NAALADL2: variants seen among roughly 807,000 people sequenced by gnomAD.
The protein encoded by NAALADL2 is N-acetylated alpha-linked acidic dipeptidase like 2.
In NAALADL2, 76 loss-of-function variants were observed where a neutral mutation model predicts 87.2. The ratio of observed to expected loss-of-function variants is 0.87; its 90% CI spans 0.72 to 1.05. NAALADL2 has a LOEUF of 1.05. Among genes scored for constraint, NAALADL2 ranks in the 50% least tolerant of loss-of-function variants. The probability of loss-of-function intolerance (pLI) is 0.00; values close to 1 mark genes in which losing one functional copy is unlikely to be tolerated. For synonymous variants in NAALADL2, 354 were observed against 331.0 expected, an observed-to-expected ratio of 1.07 and a Z score of -0.75; for missense variants, 1,089 against 945.8, an observed-to-expected ratio of 1.15 and a Z score of -1.99.
At chr3:174,489,518 T>C (rs1241148091) in intron 1 of NAALADL2, among the ~76,000 whole-genome samples, 2 of 151,998 alleles carry the variant, frequency 1.3e-5, no homozygotes, top group African/African-American at 4.8e-5. Flanking sequence ...CATGTTTTGT[T>C]TTGCAAATTA....
chr3:175,279,115 G>A (rs1753959070), intron 4 of NAALADL2, among the ~76,000 whole-genome samples: 1 of 152,124 alleles, frequency 6.6e-6, no homozygotes, highest in Non-Finnish European at 1.5e-5. Flanking sequence ...TTTGTTCAAA[G>A]AAGTAGATGG....
At chr3:174,899,367 GTTA>G (rs1467573469) in intron 1 of NAALADL2, among the ~76,000 whole-genome samples, 1 of 152,138 alleles carries the variant, frequency 6.6e-6, no homozygotes, top group African/African-American at 2.4e-5. Flanking sequence ...AATCCCCAGT[GTTA>G]TAGGTGGGGC....
chr3:175,235,336 A>T (rs1745654560), intron 3 of NAALADL2: 2 of 152,154 alleles, frequency 1.3e-5, no homozygotes, highest in African/African-American at 2.4e-5. Flanking sequence ...TGTATATATC[A>T]CACTTTGACT....
intron 2 of NAALADL2, chr3:175,218,005 T>C (rs1742810194): frequency 8.0e-6 from 3 of 374,402 alleles, no homozygotes; most frequent in Non-Finnish European, 1.6e-5. Flanking sequence ...CTGTCATTAA[T>C]GTATAGCCTG....
At chr3:174,561,024 A>G (rs952297041) in intron 2 of NAALADL2, among the ~76,000 whole-genome samples, 3 of 152,172 alleles carry the variant, frequency 2.0e-5, no homozygotes, top group Non-Finnish European at 4.4e-5. Flanking sequence ...GGTGATAGGT[A>G]TAGGAACAAC....
chr3:175,219,089 T>C (rs891323012), intron 2 of NAALADL2, among the ~76,000 whole-genome samples: 1 of 152,158 alleles, frequency 6.6e-6, no homozygotes, highest in African/African-American at 2.4e-5. Flanking sequence ...AGTAATGTTA[T>C]ATATTATTCT....
intron 3 of NAALADL2, among the ~76,000 whole-genome samples, chr3:174,815,213 C>G (rs904793628): frequency 1.3e-5 from 2 of 151,942 alleles, no homozygotes; most frequent in African/African-American, 4.8e-5. Context: ...ACAAAGTATA[C>G]CACAGACTGG....
intron 3 of NAALADL2, among the ~76,000 whole-genome samples, chr3:174,787,576 C>CATATATATATATATATATATATATACAT (rs1560225302): frequency 5.4e-4 from 8 of 14,732 alleles, no homozygotes; most frequent in South Asian, 2.8e-3. Flanking sequence ...AATATATCAT[C>CATATATATATATATATATATATATACAT]ATATATATAT....
intron 2 of NAALADL2, among the ~76,000 whole-genome samples, chr3:175,149,578 G>A (rs762974783): frequency 6.6e-6 from 1 of 151,684 alleles, no homozygotes; most frequent in African/African-American, 2.4e-5. Context: ...AAAACCCTTT[G>A]GTTAGTTGCC....
intron 3 of NAALADL2, among the ~76,000 whole-genome samples, chr3:174,788,810 A>G (rs868286908): frequency 8.5e-5 from 13 of 152,312 alleles, no homozygotes; most frequent in African/African-American, 3.1e-4. Flanking sequence ...AGCAGGACAA[A>G]GGACCCAACT....
chr3:175,372,188 G>A (rs1345556090), intron 5 of NAALADL2, among the ~76,000 whole-genome samples: 1 of 152,126 alleles, frequency 6.6e-6, no homozygotes, highest in African/African-American at 2.4e-5. Flanking sequence ...TACAGGAGTC[G>A]CTATGTTTTT....
chr3:175,015,708 T>C (rs1361808435), intron 1 of NAALADL2, among the ~76,000 whole-genome samples: 2 of 152,132 alleles, frequency 1.3e-5, no homozygotes, highest in African/African-American at 2.4e-5. Flanking sequence ...TTCTAACTTT[T>C]GGTAACATAC....
intron 2 of NAALADL2, among the ~76,000 whole-genome samples, chr3:175,118,188 A>G (rs9817143): frequency 3.3e-4 from 50 of 151,898 alleles, no homozygotes; most frequent in African/African-American, 1.1e-3. Flanking sequence ...CAGCACACCA[A>G]CATGGCACAT....
chr3:175,051,031 T>C (rs559979091), intron 1 of NAALADL2, among the ~76,000 whole-genome samples: 2 of 152,262 alleles, frequency 1.3e-5, no homozygotes, highest in South Asian at 4.1e-4. Context: ...AAGACAGATA[T>C]TGGGTCAGTA....
intron 1 of NAALADL2, among the ~76,000 whole-genome samples, chr3:174,959,627 GT>G (rs1228653401): frequency 6.6e-6 from 1 of 151,958 alleles, no homozygotes; most frequent in African/African-American, 2.4e-5. Flanking sequence ...AGATTAACAT[GT>G]TTTTCTGGAA....
chr3:175,322,499 A>C (rs1199640473), intron 4 of NAALADL2, among the ~76,000 whole-genome samples: 20 of 95,684 alleles, frequency 2.1e-4, no homozygotes, highest in African/African-American at 1.0e-3. Flanking sequence ...GGATCTAATT[A>C]AACTAAAGAG....
intron 2 of NAALADL2, among the ~76,000 whole-genome samples, chr3:175,193,068 T>C (rs1174825856): frequency 3.3e-5 from 5 of 152,022 alleles, no homozygotes; most frequent in African/African-American, 1.2e-4. Context: ...ATTGTTGATG[T>C]TTTGAAAGTC....
At chr3:175,458,135 G>A (rs535354645) in intron 6 of NAALADL2, among the ~76,000 whole-genome samples, 1 of 152,030 alleles carries the variant, frequency 6.6e-6, no homozygotes, top group South Asian at 2.1e-4. Context: ...TACTTTTCCT[G>A]TGCCAGCTGT....
intron 2 of NAALADL2, among the ~76,000 whole-genome samples, chr3:174,712,441 G>T (rs947730796): frequency 2.4e-5 from 3 of 126,758 alleles, no homozygotes; most frequent in African/African-American, 9.0e-5. Context: ...AGGCTGGAGT[G>T]CAATGGCGTG....
Sources: allele counts gnomAD v4.1 joint callset (sites outside exome capture counted in the v4.1 genomes callset), GRCh38; gene constraint gnomAD v4.1.1; transcripts MANE v1.5; gene names NCBI Gene and HGNC (gene_info 2026-07-23, HGNC 2026-07-21).